Variants in CSMD1 observed in about 807,000 individuals in gnomAD.
CSMD1 encodes CUB and Sushi multiple domains 1.
Under a neutral mutation model 417.5 loss-of-function variants are expected in CSMD1, and 213 were observed. The observed-to-expected ratio is 0.51, with a 90% CI of 0.46 to 0.57. The LOEUF (loss-of-function observed/expected upper bound fraction) is 0.57. Ranked by LOEUF, CSMD1 falls within the 20% of genes least tolerant of loss-of-function variation. CSMD1 has a pLI of 0.00. For synonymous variants in CSMD1, 2,862 were observed against 1,736.8 expected (o/e 1.65, Z -16.11); for missense variants, 6,923 against 4,529.7 (o/e 1.53, Z -15.17).
intron 2 of CSMD1, among the ~76,000 whole-genome samples, chr8:4,451,336 C>A (rs1799133982): frequency 6.6e-6 from 1 of 152,204 alleles, no homozygotes; most frequent in African/African-American, 2.4e-5. Flanking sequence ...GGCAACAAAG[C>A]AAGACCCTGA....
At chr8:3,196,193 A>T (rs1473091408) in intron 33 of CSMD1, among the ~76,000 whole-genome samples, 1 of 152,190 alleles carries the variant, frequency 6.6e-6, no homozygotes, top group Non-Finnish European at 1.5e-5. Context: ...TCCCACCAGC[A>T]CGATGACAGT....
At chr8:3,128,710 T>C (rs1817638657) in intron 41 of CSMD1, 4 of 361,894 alleles carry the variant, frequency 1.1e-5, no homozygotes, top group South Asian at 8.8e-5. Flanking sequence ...ATAGCTCAAA[T>C]TCATGTTCTC....
chr8:4,535,726 C>G (rs973129423), intron 2 of CSMD1, among the ~76,000 whole-genome samples: 6 of 152,126 alleles, frequency 3.9e-5, no homozygotes, highest in East Asian at 1.9e-4. Flanking sequence ...AGACAATAAT[C>G]TAAATGATCG....
chr8:3,543,657 C>G (rs1407742402), intron 10 of CSMD1, among the ~76,000 whole-genome samples: 1 of 151,642 alleles, frequency 6.6e-6, no homozygotes, highest in African/African-American at 2.4e-5. Flanking sequence ...AAAGAATTGC[C>G]ATTTTCTAAG....
intron 2 of CSMD1, among the ~76,000 whole-genome samples, chr8:4,421,852 A>C (rs1321113090): frequency 6.6e-6 from 1 of 152,028 alleles, no homozygotes; most frequent in African/African-American, 2.4e-5. Flanking sequence ...AATTGAAAGA[A>C]AAAAGAACAA....
chr8:3,390,298 T>G (rs1334177533), intron 17 of CSMD1, among the ~76,000 whole-genome samples: 2 of 130,558 alleles, frequency 1.5e-5, no homozygotes, highest in Non-Finnish European at 3.0e-5. Context: ...GAGGATGCAG[T>G]GAGCCAAGGT....
chr8:3,288,999 C>G (rs1803357325), intron 25 of CSMD1, among the ~76,000 whole-genome samples: 2 of 140,384 alleles, frequency 1.4e-5, no homozygotes, highest in East Asian at 2.0e-4. Flanking sequence ...ACAACAGTCC[C>G]CGGTGTGTGA....
chr8:3,246,736 G>C (rs1393873944), intron 26 of CSMD1, among the ~76,000 whole-genome samples: 1 of 152,198 alleles, frequency 6.6e-6, no homozygotes, highest in Non-Finnish European at 1.5e-5. Flanking sequence ...GCATCCCAAA[G>C]TGCTGCGATT....
At chr8:4,107,862 T>G (rs537474474) in intron 3 of CSMD1, among the ~76,000 whole-genome samples, 1 of 152,142 alleles carries the variant, frequency 6.6e-6, no homozygotes, top group Non-Finnish European at 1.5e-5. Context: ...CTGATGGAAA[T>G]AGAAGGAATT....
intron 23 of CSMD1, among the ~76,000 whole-genome samples, chr8:3,310,430 A>G (rs539545959): frequency 6.6e-6 from 1 of 152,226 alleles, no homozygotes; most frequent in South Asian, 2.1e-4. Flanking sequence ...CCAGCAAACT[A>G]GAGGCAGAAT....
At chr8:4,218,545 G>T (rs1343818698) in intron 3 of CSMD1, among the ~76,000 whole-genome samples, 1 of 152,038 alleles carries the variant, frequency 6.6e-6, no homozygotes, top group Non-Finnish European at 1.5e-5. Flanking sequence ...ATTTGAATTT[G>T]TTTCTGAGTC....
intron 3 of CSMD1, among the ~76,000 whole-genome samples, chr8:4,159,617 C>G (rs1374429645): frequency 6.6e-6 from 1 of 152,152 alleles, no homozygotes; most frequent in Non-Finnish European, 1.5e-5. Context: ...GAGACAGAGT[C>G]TCACTCTGTC....
At chr8:3,862,445 T>G (rs1435082332) in intron 5 of CSMD1, among the ~76,000 whole-genome samples, 1 of 152,182 alleles carries the variant, frequency 6.6e-6, no homozygotes, top group Non-Finnish European at 1.5e-5. Context: ...GGAATAAGTG[T>G]TCCTTCTCGT....
chr8:4,455,162 G>A (rs1312804977), intron 2 of CSMD1, among the ~76,000 whole-genome samples: 1 of 152,008 alleles, frequency 6.6e-6, no homozygotes, highest in East Asian at 1.9e-4. Flanking sequence ...AAAGGAAAAT[G>A]GTATTTCAGA....
chr8:4,561,658 G>A (rs1474891634), intron 2 of CSMD1, among the ~76,000 whole-genome samples: 2 of 152,108 alleles, frequency 1.3e-5, no homozygotes, highest in African/African-American at 2.4e-5. Context: ...ATCCAGCCTG[G>A]ATGACACAGT....
At chr8:3,702,413 G>C (rs1800921898) in intron 7 of CSMD1, 1 of 152,182 alleles carries the variant, frequency 6.6e-6, no homozygotes. Flanking sequence ...TTTGGAGTTA[G>C]AAGGGCATCC....
At chr8:3,433,438 A>G (rs1011733774) in intron 12 of CSMD1, among the ~76,000 whole-genome samples, 3 of 152,066 alleles carry the variant, frequency 2.0e-5, no homozygotes, top group Non-Finnish European at 2.9e-5. Context: ...CCTAAATTAA[A>G]TATTTTATTT....
At chr8:4,839,283 T>A (rs1024869981) in intron 1 of CSMD1, among the ~76,000 whole-genome samples, 1 of 152,212 alleles carries the variant, frequency 6.6e-6, no homozygotes, top group Non-Finnish European at 1.5e-5. Context: ...CATTCATTCA[T>A]CTATTTGTTT....
At chr8:3,226,736 C>G (rs1427767952) in intron 27 of CSMD1, among the ~76,000 whole-genome samples, 5 of 151,996 alleles carry the variant, frequency 3.3e-5, no homozygotes, top group Admixed American at 6.6e-5. Flanking sequence ...CCAAGCAACA[C>G]TCAAGAAAAA....
Sources: gnomAD v4.1 joint callset for allele counts (sites outside exome capture counted in the v4.1 genomes callset) on GRCh38, gnomAD v4.1.1 for gene constraint, MANE v1.5 for transcripts, NCBI Gene and HGNC (gene_info 2026-07-23, HGNC 2026-07-21) for gene names.